Variants in ZNF385B observed in about 807,000 individuals in gnomAD.
ZNF385B encodes zinc finger protein 385B.
Under a neutral mutation model 39.2 loss-of-function variants are expected in ZNF385B, and 23 were observed. The ratio of observed to expected loss-of-function variants is 0.59; its 90% CI spans 0.42 to 0.83. The LOEUF (loss-of-function observed/expected upper bound fraction) is 0.83. Among genes scored for constraint, ZNF385B ranks in the 40% least tolerant of loss-of-function variants. The pLI, the probability that ZNF385B is intolerant of heterozygous loss-of-function variation, is 0.00. For missense variants in ZNF385B, 552 were observed against 598.9 expected, an observed-to-expected ratio of 0.92 and a Z score of 0.82; for synonymous variants, 205 against 222.6, an observed-to-expected ratio of 0.92 and a Z score of 0.70.
chr2:179,774,886 G>T (rs907069913), intron 1 of ZNF385B, among the ~76,000 whole-genome samples: 4 of 152,232 alleles, frequency 2.6e-5, no homozygotes, highest in Non-Finnish European at 4.4e-5. Flanking sequence ...CAGCATCCAT[G>T]TGACATTAGC....
rs564586019 is a variant in ZNF385B, at chr2:179,483,527, C to T, written c.553-93G>A. 3.4e-5 allele frequency: 52 copies of T among 1,515,364 alleles called. 1 individual carries two copies. In the South Asian group the frequency reaches 6.1e-4, roughly 18 times the overall value. 93.9% of individuals were successfully genotyped at this position (1,515,364 alleles called of 1,614,324 possible). ...GGAGAAAAATACATTCTATCATAGG[C>T]ACCACAGACATTTACAACTCAGTAC... On this transcript the variant is annotated intron_variant, in intron 5 of 9. Coordinates refer to ENST00000410066, the MANE Select transcript of ZNF385B (RefSeq NM_152520.6).
intron 3 of ZNF385B, among the ~76,000 whole-genome samples, chr2:179,717,045 C>A (rs1401623859): frequency 6.6e-6 from 1 of 152,124 alleles, no homozygotes; most frequent in Non-Finnish European, 1.5e-5. Context: ...GACTGCTGCA[C>A]ATTAAGCTAC....
chr2:179,814,334 T>C (rs1248799571), intron 1 of ZNF385B: 1 of 281,962 alleles, frequency 3.5e-6, no homozygotes, highest in South Asian at 3.1e-5. Context: ...TGGCTGTCAT[T>C]CGCTTCGGCC....
intron 3 of ZNF385B, among the ~76,000 whole-genome samples, chr2:179,745,278 A>T (rs1702311753): frequency 6.6e-6 from 1 of 152,162 alleles, no homozygotes; most frequent in Non-Finnish European, 1.5e-5. Context: ...ATCTCGAAAC[A>T]TGACTTGTCT....
chr2:179,638,111 T>C (rs1691923987), intron 3 of ZNF385B, among the ~76,000 whole-genome samples: 1 of 152,180 alleles, frequency 6.6e-6, no homozygotes, highest in Admixed American at 6.5e-5. Flanking sequence ...AAATTGATTA[T>C]GAAAGATGAA....
chr2:179,459,935 C>T (rs1377154877), intron 6 of ZNF385B, among the ~76,000 whole-genome samples: 2 of 151,614 alleles, frequency 1.3e-5, no homozygotes, highest in Non-Finnish European at 2.9e-5. Flanking sequence ...GAAACCCCGT[C>T]TCTACTAAAA....
chr2:179,731,175 G>C (rs940256145), intron 3 of ZNF385B, among the ~76,000 whole-genome samples: 3 of 152,188 alleles, frequency 2.0e-5, no homozygotes, highest in African/African-American at 7.2e-5. Context: ...AACTTAGAAA[G>C]GTGTACCTCT....
chr2:179,821,055 T>C (rs897325634), intron 1 of ZNF385B, among the ~76,000 whole-genome samples: 2 of 152,166 alleles, frequency 1.3e-5, no homozygotes, highest in African/African-American at 4.8e-5. Flanking sequence ...AAGTTTTCAA[T>C]GAATACTTTT....
chr2:179,515,181 T>C (rs565180932), intron 5 of ZNF385B, among the ~76,000 whole-genome samples: 3 of 152,344 alleles, frequency 2.0e-5, no homozygotes, highest in African/African-American at 7.2e-5. Context: ...TCAGTCAGTG[T>C]TCAACATCTC....
chr2:179,469,515 C>T (rs911332831), intron 6 of ZNF385B, among the ~76,000 whole-genome samples: 3 of 152,006 alleles, frequency 2.0e-5, no homozygotes, highest in East Asian at 1.9e-4. Context: ...TGGCAAACCA[C>T]GAAGGGACTA....
intron 3 of ZNF385B, among the ~76,000 whole-genome samples, chr2:179,558,403 G>A (rs912148762): frequency 6.6e-6 from 1 of 152,132 alleles, no homozygotes; most frequent in Non-Finnish European, 1.5e-5. Context: ...AAGAATAGTG[G>A]TTTATACAAA....
intron 3 of ZNF385B, among the ~76,000 whole-genome samples, chr2:179,697,480 T>C (rs934597409): frequency 1.3e-5 from 2 of 152,224 alleles, no homozygotes; most frequent in Non-Finnish European, 2.9e-5. Flanking sequence ...GTGAGTTTCC[T>C]GAGGCTTACC....
rs376082333 is a variant in ZNF385B at position 179,665,156 on chromosome 2, C to T, written c.298+104347G>A. Among the ~76,000 whole-genome samples the T allele has an allele frequency of 6.6e-5, 10 of 152,202 alleles. No individual in the cohort carries two copies. The East Asian group carries it at 9.6e-4, about 15-fold the overall frequency. On this transcript the variant is annotated intron_variant, in intron 3 of 9. Transcript: ENST00000410066. ...TGCAAGCACGTGGACTAAAGACACA[C>T]GGGAGGCTCACACTGATCACTGTCA...
intron 6 of ZNF385B, among the ~76,000 whole-genome samples, chr2:179,473,995 G>A (rs947357255): frequency 7.9e-5 from 12 of 152,060 alleles, no homozygotes; most frequent in African/African-American, 2.2e-4. Flanking sequence ...TAATCTGTCC[G>A]ACTTCAAGCT....
intron 3 of ZNF385B, among the ~76,000 whole-genome samples, chr2:179,743,130 A>G (rs1373627594): frequency 6.6e-6 from 1 of 152,040 alleles, no homozygotes; most frequent in Non-Finnish European, 1.5e-5. Context: ...ATGTTATATC[A>G]TCAGGAATTT....
chr2:179,663,713 C>CA (rs71401756), intron 3 of ZNF385B, among the ~76,000 whole-genome samples: 14,246 of 67,292 alleles, frequency 0.21, 1,880 homozygotes, highest in Non-Finnish European at 0.25. Context: ...GACTCCGTCT[C>CA]AAAAAAAAAA....
chr2:179,845,508 A>G (rs985668824), intron 1 of ZNF385B, among the ~76,000 whole-genome samples: 5 of 152,202 alleles, frequency 3.3e-5, no homozygotes, highest in Non-Finnish European at 7.3e-5. Flanking sequence ...ATTGACAGGG[A>G]CAAGGATCAA....
intron 5 of ZNF385B, among the ~76,000 whole-genome samples, chr2:179,515,207 T>C (rs1279103682): frequency 6.6e-6 from 1 of 152,230 alleles, no homozygotes; most frequent in Non-Finnish European, 1.5e-5. Context: ...TTGAAGAATC[T>C]ATCTATCATC....
intron 5 of ZNF385B, among the ~76,000 whole-genome samples, chr2:179,513,812 A>G (rs2057875930): frequency 1.3e-5 from 2 of 152,168 alleles, no homozygotes; most frequent in Admixed American, 1.3e-4. Context: ...AGTTCAGTAA[A>G]TGCTTAGGAA....
Sources: gnomAD v4.1 joint callset for allele counts (sites outside exome capture counted in the v4.1 genomes callset) on GRCh38, gnomAD v4.1.1 for gene constraint, MANE v1.5 for transcripts, NCBI Gene and HGNC (gene_info 2026-07-23, HGNC 2026-07-21) for gene names.